CTAGE1: variants seen among roughly 807,000 people sequenced by gnomAD.
CTAGE1 encodes the protein cutaneous T cell lymphoma-associated antigen 1.
For missense variants in CTAGE1, 963 were observed against 855.9 expected (o/e 1.13, Z -1.56); for synonymous variants, 332 against 302.8 (o/e 1.10, Z -1.00).
chr18:22,415,618 G>T lies in CTAGE1; in HGVS notation c.2194C>A (p.Arg732Ser). 1 of 1,613,510 alleles carries T rather than the reference G, an allele frequency of 6.2e-7. No homozygotes were observed. The highest frequency in any genetic ancestry group is 8.5e-7 in the Non-Finnish European group (1 of 1,179,678). ...VYLPRGFLPY[R>S]PPRPAFFPPA... Reference sequence around the variant, plus strand: ...GGGAAAAATGCAGGTCTTGGGGGACGGTAAGGAAGAAAACCTCTCGGTAAA... The same window carrying T: ...GGGAAAAATGCAGGTCTTGGGGGACTGTAAGGAAGAAAACCTCTCGGTAAA... Residue 732 changes from arginine (R) to serine (S), a missense_variant, in exon 1 of 1, where the codon CGT (arginine) becomes AGT (serine). Coordinates refer to ENST00000391403, the MANE Select transcript of CTAGE1 (RefSeq NM_172241.3).
Position 22,414,771 on chromosome 18 carries a change from G to A in CTAGE1, c.*803C>T. On this transcript the variant is annotated 3_prime_UTR_variant, in exon 1 of 1. Transcript: ENST00000391403. ...CTATATAATTCTGGGGCAAGTAAAA[G>A]TTCTGGATAAAGTTGTTCCCACCAA... The A allele has an allele frequency of 1.4e-6, 1 of 702,898 alleles. No individual in the cohort carries two copies. Among genetic ancestry groups the A allele is most frequent in the Non-Finnish European group, 2.6e-6 (1 of 384,976 alleles). 43.5% of individuals were successfully genotyped at this position (702,898 alleles called of 1,614,324 possible).
In CTAGE1 at chr18:22,417,017, C is replaced by T; in HGVS notation, c.795G>A (p.Met265Ile). 6.2e-7 allele frequency: 1 copy of T among 1,614,026 alleles called. No homozygotes were observed. The highest frequency in any genetic ancestry group is 1.1e-5 in the South Asian group (1 of 91,074). ...AAGCACCATCTTCCGATTCACTGTT[C>T]ATTTCTAATTCCAAGTTATCATCAT... The part of the protein sequence containing the change: ...VTDDDNLELE[M>I]NSESEDGAYL... Residue 265 changes from methionine to isoleucine, a missense_variant, in exon 1 of 1, where the codon ATG (methionine) becomes ATA (isoleucine). By Grantham distance (10) the Met-to-Ile change is conservative. Coordinates refer to ENST00000391403, the MANE Select transcript of CTAGE1 (RefSeq NM_172241.3).
Position 22,416,326 on chromosome 18 carries a change from G to C in CTAGE1, c.1486C>G (p.Pro496Ala), listed in dbSNP as rs771779166. The part of the protein sequence containing the change: ...SPYGPSPLGW[P>A]SSETRASLYP... The stretch of plus-strand genomic sequence containing the variant: ...AGAGAAGCTCTCGTTTCAGATGAAG[G>C]CCAACCCAATGGTGAGGGACCATAT... Residue 496 changes from proline to alanine, a missense_variant, in exon 1 of 1, where the codon CCT becomes GCT. Coordinates refer to ENST00000391403, the MANE Select transcript of CTAGE1 (RefSeq NM_172241.3). The C allele has an allele frequency of 3.1e-6, 5 of 1,613,860 alleles. No homozygotes were observed. Among genetic ancestry groups the C allele is most frequent in the East Asian group, 2.2e-5 (1 of 44,890 alleles).
chr18:22,415,578 A>T lies in CTAGE1; in HGVS notation c.2234T>A (p.Phe745Tyr). ...RPAFFPPAPT[F>Y] ...TGATGGAAACTCATTCTACCTTCAGAATGTGGGGGCTGGGGGGAAAAATGC... is the reference window on the plus strand; with the variant it reads ...TGATGGAAACTCATTCTACCTTCAGTATGTGGGGGCTGGGGGGAAAAATGC... Residue 745 changes from phenylalanine to tyrosine, a missense_variant, in exon 1 of 1, where the codon TTC becomes TAC. By Grantham distance (22) the Phe-to-Tyr change is conservative. Coordinates refer to ENST00000391403, the MANE Select transcript of CTAGE1 (RefSeq NM_172241.3). 1 of 1,594,596 alleles carries T rather than the reference A, an allele frequency of 6.3e-7. No homozygotes were observed. Among genetic ancestry groups the T allele is most frequent in the South Asian group, 1.1e-5 (1 of 88,024 alleles).
In CTAGE1 at chr18:22,417,402, G is replaced by T. The variant is rs372035129; in HGVS notation, c.410C>A (p.Ala137Glu). 1 of 1,613,888 alleles carries T rather than the reference G, an allele frequency of 6.2e-7. No individual in the cohort carries two copies. The highest frequency in any genetic ancestry group is 8.5e-7 in the Non-Finnish European group (1 of 1,179,850). Residue 137 changes from alanine to glutamate, a missense_variant, in exon 1 of 1, where the codon GCG (alanine) becomes GAG (glutamate). By Grantham distance (107) the Ala-to-Glu change is moderately radical. Coordinates refer to ENST00000391403, the MANE Select transcript of CTAGE1 (RefSeq NM_172241.3). ...SKHSEQNELM[A>E]DISKRIQSLE... ...CGACTGTATCCTTTTGGAAATATCC[G>T]CCATCAATTCATTTTGTTCAGAATG... is the stretch of plus-strand genomic sequence containing the variant.
rs573137202 is a variant in CTAGE1 at position 22,414,900 on chromosome 18, C to T, written c.*674G>A. On this transcript the variant is annotated 3_prime_UTR_variant, in exon 1 of 1. Coordinates refer to ENST00000391403, the MANE Select transcript of CTAGE1 (RefSeq NM_172241.3). The stretch of plus-strand genomic sequence containing the variant: ...AAGACGAAGGGAAGGAAAGGGAGGG[C>T]GAAGAAACCATTCTTGAGGAAAACA... 3.2e-5 allele frequency: 21 copies of T among 665,600 alleles called. No individual in the cohort carries two copies. Among genetic ancestry groups the T allele is most frequent in the African/African-American group, 9.1e-5 (5 of 55,160 alleles). The allele number at this position is 665,600 out of a possible 1,614,324, so 41.2% of individuals were successfully genotyped here.
At position 22,414,130 on chromosome 18, in the gene CTAGE1, T is replaced by C. The variant is rs1305986783; in HGVS notation, c.*1444A>G. 1 of 152,184 alleles carries C rather than the reference T, an allele frequency of 6.6e-6. No individual in the cohort carries two copies. Among genetic ancestry groups the C allele is most frequent in the Non-Finnish European group, 1.5e-5 (1 of 68,094 alleles). 9.4% of individuals were successfully genotyped at this position (152,184 alleles called of 1,614,324 possible). On this transcript the variant is annotated 3_prime_UTR_variant, in exon 1 of 1. Coordinates refer to ENST00000391403, the MANE Select transcript of CTAGE1 (RefSeq NM_172241.3). ...GTTCTTCCTTGATACCTTGGATAAA[T>C]AGTATTCAACAGTGAAGGAAGAAAC...
Position 22,415,359 on chromosome 18 carries a change from A to T in CTAGE1, c.*215T>A. 1 of 488,308 alleles carries T rather than the reference A, an allele frequency of 2.0e-6. No individual in the cohort carries two copies. The highest frequency in any genetic ancestry group is 3.6e-6 in the Non-Finnish European group (1 of 274,678). The allele number at this position is 488,308 out of a possible 1,614,324, so 30.2% of individuals were successfully genotyped here. A position where few individuals can be genotyped will look rare whatever the true frequency, so the allele number is the denominator to read the frequency against. ...ATATTTAAATCATCCTCATTTACAA[A>T]ATACTATCCTGGGAATTATAGTTCC... On this transcript the variant is annotated 3_prime_UTR_variant, in exon 1 of 1. Transcript: ENST00000391403.
Position 22,417,740 on chromosome 18 carries a change from A to C in CTAGE1, c.72T>G (p.Phe24Leu). Residue 24 changes from phenylalanine to leucine, a missense_variant, in exon 1 of 1, where the codon TTT becomes TTG. Phe to Leu is a conservative substitution (Grantham distance 22, BLOSUM62 0). Coordinates refer to ENST00000391403, the MANE Select transcript of CTAGE1 (RefSeq NM_172241.3). ...AACTTCTCCACAAGAAGAGAACAGC[A>C]AAAAATCCAGCAACAGCTGCACGTA... The part of the protein sequence containing the change: ...LVIRAAVAGF[F>L]AVLFLWRSFR... 1.9e-6 allele frequency: 3 copies of C among 1,614,210 alleles called. No homozygotes were observed. Among genetic ancestry groups the C allele is most frequent in the Non-Finnish European group, 2.5e-6 (3 of 1,180,016 alleles).
In CTAGE1 at chr18:22,414,863, A is replaced by G; in HGVS notation, c.*711T>C. On this transcript the variant is annotated 3_prime_UTR_variant, in exon 1 of 1. Transcript: ENST00000391403. ...GATATGATGACAAACATAGGAAGAA[A>G]TTAGCTTAGGGAAGACGAAGGGAAG... is the stretch of plus-strand genomic sequence containing the variant. 2.9e-6 allele frequency: 2 copies of G among 697,742 alleles called. No homozygotes were observed. Among genetic ancestry groups the G allele is most frequent in the Non-Finnish European group, 5.2e-6 (2 of 383,784 alleles). 43.2% of individuals were successfully genotyped at this position (697,742 alleles called of 1,614,324 possible). A position where few individuals can be genotyped will look rare whatever the true frequency, so the allele number is the denominator to read the frequency against.
rs1046831822 is a variant in CTAGE1, at chr18:22,413,667, A to G, written c.*1907T>C. ...TTTAGTTTATTAGGTTCATGGAAAAAAATTAGTAGTCATTCAACAAAAGCA... is the reference window on the plus strand; with the variant it reads ...TTTAGTTTATTAGGTTCATGGAAAAGAATTAGTAGTCATTCAACAAAAGCA... On this transcript the variant is annotated 3_prime_UTR_variant, in exon 1 of 1. Transcript: ENST00000391403. 5.2e-4 allele frequency: 79 copies of G among 152,176 alleles called. No individual in the cohort carries two copies. Among genetic ancestry groups the G allele is most frequent in the African/African-American group, 1.7e-3 (72 of 41,446 alleles). The allele number at this position is 152,176 out of a possible 1,614,324, so 9.4% of individuals were successfully genotyped here.
rs755124794 is a variant in CTAGE1 at position 22,416,279 on chromosome 18, T to A, written c.1533A>T (p.Glu511Asp). Residue 511 changes from glutamate (E) to aspartate (D), a missense_variant, in exon 1 of 1, where the codon GAA (glutamate) becomes GAT (aspartate). Physicochemically the swap from Glu to Asp is conservative, Grantham distance 45. Transcript: ENST00000391403. ...RASLYPPTLL[E>D]GPLRLSPLLP... ...GCAAAGGTGAGAGTCTGAGAGGACCTTCCAACAAAGTTGGAGGATAGAGAG... is the reference window on the plus strand; with the variant it reads ...GCAAAGGTGAGAGTCTGAGAGGACCATCCAACAAAGTTGGAGGATAGAGAG... The A allele has an allele frequency of 6.2e-7, 1 of 1,613,956 alleles. No homozygotes were observed. The highest frequency in any genetic ancestry group is 8.5e-7 in the Non-Finnish European group (1 of 1,179,844).
rs2035000332 is a variant in CTAGE1 at position 22,415,628 on chromosome 18, A to G, written c.2184T>C (p.Phe728=). The G allele has an allele frequency of 6.2e-7, 1 of 1,613,986 alleles. No individual in the cohort carries two copies. Among genetic ancestry groups the G allele is most frequent in the Admixed American group, 1.7e-5 (1 of 59,992 alleles). ...AMRNVYLPRG[F]LPYRPPRPAF... ...CAGGTCTTGGGGGACGGTAAGGAAG[A>G]AAACCTCTCGGTAAATAGACATTTC... Residue 728 remains phenylalanine, a synonymous_variant, in exon 1 of 1, where the codon TTT becomes TTC. Coordinates refer to ENST00000391403, the MANE Select transcript of CTAGE1 (RefSeq NM_172241.3).
chr18:22,417,901 C>G lies in CTAGE1; in HGVS notation c.-90G>C, dbSNP rs2035036063. 1.6e-6 allele frequency: 2 copies of G among 1,286,456 alleles called. No homozygotes were observed. Among genetic ancestry groups the G allele is most frequent in the African/African-American group, 1.5e-5 (1 of 67,568 alleles). 79.7% of individuals were successfully genotyped at this position (1,286,456 alleles called of 1,614,324 possible). A position where few individuals can be genotyped will look rare whatever the true frequency, so the allele number is the denominator to read the frequency against. The stretch of plus-strand genomic sequence containing the variant: ...GGGTTAGCCCTAGGCTCCTCCGTAG[C>G]GCCAAGGCTGCTCTGGCGGTTGCTG... On this transcript the variant is annotated 5_prime_UTR_variant, in exon 1 of 1. Coordinates refer to ENST00000391403, the MANE Select transcript of CTAGE1 (RefSeq NM_172241.3).
In CTAGE1 at chr18:22,417,679, C is replaced by T; in HGVS notation, c.133G>A (p.Glu45Lys). Residue 45 changes from glutamate to lysine, a missense_variant, in exon 1 of 1, where the codon GAG becomes AAG. Coordinates refer to ENST00000391403, the MANE Select transcript of CTAGE1 (RefSeq NM_172241.3). Reference protein sequence around the residue: ...SVTSRLYVRREKKFAVALSGL... With the variant: ...SVTSRLYVRRKKKFAVALSGL... ...GAAAGTGCCACAGCAAACTTTTTCT[C>T]TCTTCTCACATAAAGCCGACTCGTA... is the stretch of plus-strand genomic sequence containing the variant. 1.1e-5 allele frequency: 17 copies of T among 1,614,070 alleles called. No homozygotes were observed. Among genetic ancestry groups the T allele is most frequent in the Non-Finnish European group, 1.4e-5 (17 of 1,179,934 alleles).
At position 22,415,728 on chromosome 18, in the gene CTAGE1, G is replaced by T. The variant is rs764116396; in HGVS notation, c.2084C>A (p.Thr695Asn). The change falls in exon 1 of 1, where the codon ACC becomes AAC. Residue 695 changes from threonine (T) to asparagine (N), a missense_variant. Transcript: ENST00000391403. ...GPPFPPPPPG[T>N]VFGASPDYFS... ...ATAATCTGGAGAAGCTCCAAACACG[G>T]TTCCTGGAGGAGGTGGGGGGAAAGG... 7 of 1,613,948 alleles carry T rather than the reference G, an allele frequency of 4.3e-6. No individual in the cohort carries two copies. The highest frequency in any genetic ancestry group is 5.9e-6 in the Non-Finnish European group (7 of 1,179,974).
Position 22,417,195 on chromosome 18 carries a change from A to C in CTAGE1, c.617T>G (p.Val206Gly). 6.2e-7 allele frequency: 1 copy of C among 1,613,874 alleles called. No individual in the cohort carries two copies. The highest frequency in any genetic ancestry group is 8.5e-7 in the Non-Finnish European group (1 of 1,179,844). Residue 206 changes from valine (V) to glycine (G), a missense_variant, in exon 1 of 1, where the codon GTG becomes GGG. Coordinates refer to ENST00000391403, the MANE Select transcript of CTAGE1 (RefSeq NM_172241.3). Reference sequence around the variant, plus strand: ...TCTTTTCTGTTTAATAAGTTCACTCACTTGTTCTTTCCATACTTCAGCTTC... The same window carrying C: ...TCTTTTCTGTTTAATAAGTTCACTCCCTTGTTCTTTCCATACTTCAGCTTC... ...LQEAEVWKEQ[V>G]SELIKQKRTF...
Position 22,417,447 on chromosome 18 carries a change from A to C in CTAGE1, c.365T>G (p.Leu122Ter), listed in dbSNP as rs2035030468. ...VHEILCLEKE[L>*]KEEKSKHSEQ... ...AGAATGTTTAGATTTCTCTTCTTTT[A>C]ACTCTTTTTCTAGACAGAGTATTTC... Residue 122 changes from leucine (L) to a stop codon, truncating the protein, a stop_gained, in exon 1 of 1, where the codon TTA becomes TGA. Transcript: ENST00000391403. LOFTEE classifies it low-confidence loss of function (END_TRUNC). 6.2e-7 allele frequency: 1 copy of C among 1,613,952 alleles called. No homozygotes were observed. The highest frequency in any genetic ancestry group is 8.5e-7 in the Non-Finnish European group (1 of 1,179,866).
In CTAGE1 at chr18:22,415,493, G is replaced by C. The variant is rs2034997710; in HGVS notation, c.*81C>G. On this transcript the variant is annotated 3_prime_UTR_variant, in exon 1 of 1. Coordinates refer to ENST00000391403, the MANE Select transcript of CTAGE1 (RefSeq NM_172241.3). ...TTTGAAGAGGGCAAACATGTTGTTA[G>C]GTTTCTTGCTGTCGTTCTGGATGTT... 3 of 1,186,046 alleles carry C rather than the reference G, an allele frequency of 2.5e-6. No homozygotes were observed. The highest frequency in any genetic ancestry group is 3.6e-6 in the Non-Finnish European group (3 of 832,044). 73.5% of individuals were successfully genotyped at this position (1,186,046 alleles called of 1,614,324 possible). A position where few individuals can be genotyped will look rare whatever the true frequency, so the allele number is the denominator to read the frequency against.
Sources: gnomAD v4.1 joint callset for allele counts on GRCh38, gnomAD v4.1.1 for gene constraint, MANE v1.5 for transcripts, NCBI Gene and HGNC (gene_info 2026-07-23, HGNC 2026-07-21) for gene names.